The following ACOX1 variants were observed in gnomAD, a reference collection of about 807,000 sequenced individuals.
The protein encoded by ACOX1 is peroxisomal acyl-coenzyme A oxidase 1.
ACOX1 carries 41 observed loss-of-function variants against 75.5 expected under a neutral mutation model. That is an observed-to-expected ratio of 0.54 (90% CI 0.42 to 0.70). The LOEUF (loss-of-function observed/expected upper bound fraction) is 0.70. Among genes scored for constraint, ACOX1 ranks in the 30% least tolerant of loss-of-function variants. The pLI is 0.00. For synonymous variants in ACOX1, 303 were observed against 298.8 expected, an observed-to-expected ratio of 1.01 and a Z score of -0.15; for missense variants, 630 against 837.5, an observed-to-expected ratio of 0.75 and a Z score of 3.06.
At chr17:75,972,463 A>G (rs2066005642) in intron 2 of ACOX1, among the ~76,000 whole-genome samples, 1 of 151,144 alleles carries the variant, frequency 6.6e-6, no homozygotes, top group Admixed American at 6.6e-5. Context: ...CCTGGCCAAC[A>G]TGGAGAAACC....
At chr17:75,948,563 T>C (rs2065743902) in intron 12 of ACOX1, 106 bp from the exon 13 acceptor site, 9 of 1,092,336 alleles carry the variant, frequency 8.2e-6, no homozygotes, top group Non-Finnish European at 1.1e-5. Flanking sequence ...TTTTTCTTTT[T>C]TTTTTTTTGA....
At chr17:75,962,191 G>C (rs1214801777) in intron 2 of ACOX1, among the ~76,000 whole-genome samples, 1 of 151,910 alleles carries the variant, frequency 6.6e-6, no homozygotes, top group African/African-American at 2.4e-5. Flanking sequence ...ATTTATTTCA[G>C]AAATTAAAAA....
At position 75,949,363 on chromosome 17, in the gene ACOX1, A is replaced by G. The variant is rs748672407; in HGVS notation, c.1585-3T>C. 3.7e-6 allele frequency: 6 copies of G among 1,614,148 alleles called. No individual in the cohort carries two copies. Among genetic ancestry groups the G allele is most frequent in the Non-Finnish European group, 5.1e-6 (6 of 1,180,032 alleles). ...ACTACCACATAGTGGCAATGTGCCT[A>G]AGATTAAAAAGAAAACACCAGAGTT... On this transcript the variant is annotated splice_region_variant and splice_polypyrimidine_tract_variant and intron_variant, in intron 11 of 13. Coordinates refer to ENST00000293217, the MANE Select transcript of ACOX1 (RefSeq NM_004035.7).
In ACOX1 at chr17:75,970,473, TGTATATCCGA is replaced by T. The variant is rs2065984180; in HGVS notation, c.269+8051_269+8060del. On this transcript the variant is annotated intron_variant, in intron 2 of 13. Coordinates refer to ENST00000293217, the MANE Select transcript of ACOX1 (RefSeq NM_004035.7). ...ATGGCTCCCAGACCCACAGGGCAGG[TGTATATCCGA>T]GTTTCTTCGTGTCCTTAGAGGAAAG... is the stretch of plus-strand genomic sequence containing the variant. 3.9e-5 allele frequency among the ~76,000 whole-genome samples: 6 copies of T among 152,094 alleles called. No homozygotes were observed. In the South Asian group the frequency reaches 8.3e-4, roughly 21 times the overall value.
chr17:75,965,280 G>C (rs1358343840), intron 2 of ACOX1, among the ~76,000 whole-genome samples: 2 of 147,462 alleles, frequency 1.4e-5, no homozygotes, highest in Non-Finnish European at 3.0e-5. Context: ...GGAGCTGGCA[G>C]TGAGCCGAGA....
chr17:75,958,574 C>T (rs559560016), intron 3 of ACOX1, among the ~76,000 whole-genome samples: 10 of 151,132 alleles, frequency 6.6e-5, no homozygotes, highest in Middle Eastern at 6.9e-3. Context: ...TTTGGGGGGC[C>T]AAGGCGGGCG....
intron 7 of ACOX1, among the ~76,000 whole-genome samples, chr17:75,952,182 T>C (rs899462569): frequency 6.6e-6 from 1 of 152,214 alleles, no homozygotes. Flanking sequence ...GCTGAATACA[T>C]TGTATTTTGA....
intron 7 of ACOX1, among the ~76,000 whole-genome samples, chr17:75,952,778 C>A (rs574443161): frequency 1.3e-5 from 2 of 148,676 alleles, no homozygotes; most frequent in African/African-American, 5.0e-5. Flanking sequence ...CTGCAGCAAG[C>A]TGAGATCGCG....
chr17:75,964,871 G>A (rs2065916214), intron 2 of ACOX1, among the ~76,000 whole-genome samples: 2 of 152,080 alleles, frequency 1.3e-5, no homozygotes, highest in Admixed American at 1.3e-4. Context: ...TACAAGGCTG[G>A]AAAGGCTGAC....
intron 2 of ACOX1, among the ~76,000 whole-genome samples, chr17:75,974,829 G>C (rs953704296): frequency 6.9e-6 from 1 of 144,534 alleles, no homozygotes; most frequent in African/African-American, 2.4e-5. Flanking sequence ...TCAGGAGATC[G>C]AGACCATCAG....
rs1367210716 is a variant in ACOX1 at position 75,945,320 on chromosome 17, T to C, written c.*1428A>G. 6.6e-6 allele frequency: 1 copy of C among 152,196 alleles called. No homozygotes were observed. Among genetic ancestry groups the C allele is most frequent in the African/African-American group, 2.4e-5 (1 of 41,456 alleles). The allele number at this position is 152,196 out of a possible 1,614,324, so 9.4% of individuals were successfully genotyped here. A position where few individuals can be genotyped will look rare whatever the true frequency, so the allele number is the denominator to read the frequency against. On this transcript the variant is annotated 3_prime_UTR_variant, in exon 14 of 14. Transcript: ENST00000293217. Reference sequence around the variant, plus strand: ...TCAAGTGAGATTAACACAGGGTTAATCTTCAATCTTAACACAATTATCAAT... The same window carrying C: ...TCAAGTGAGATTAACACAGGGTTAACCTTCAATCTTAACACAATTATCAAT...
intron 6 of ACOX1, among the ~76,000 whole-genome samples, chr17:75,954,954 G>A (rs1338166613): frequency 5.3e-5 from 8 of 151,686 alleles, no homozygotes; most frequent in African/African-American, 1.9e-4. Flanking sequence ...TGCAACCTCC[G>A]CCTCCCGGGT....
chr17:75,959,265 C>CT (rs2065867427), intron 3 of ACOX1, among the ~76,000 whole-genome samples: 1 of 152,192 alleles, frequency 6.6e-6, no homozygotes, highest in Admixed American at 6.5e-5. Flanking sequence ...CAGACACAGA[C>CT]ATCTTTCATC....
At chr17:75,957,161 T>C (rs564913670) in intron 4 of ACOX1, among the ~76,000 whole-genome samples, 11 of 151,618 alleles carry the variant, frequency 7.3e-5, no homozygotes, top group African/African-American at 1.2e-4. Flanking sequence ...TCTTGGCTCA[T>C]TGCAACCTTC....
chr17:75,949,347 T>A lies in ACOX1; in HGVS notation c.1598A>T (p.Tyr533Phe). The A allele has an allele frequency of 6.2e-7, 1 of 1,614,136 alleles. No individual in the cohort carries two copies. Among genetic ancestry groups the A allele is most frequent in the Non-Finnish European group, 8.5e-7 (1 of 1,180,036 alleles). The stretch of plus-strand genomic sequence containing the variant: ...TTCTGAAAAGAGCTTAACTACCACA[T>A]AGTGGCAATGTGCCTAAGATTAAAA... ...LVRASEAHCH[Y>F]VVVKLFSEKL... is the part of the protein sequence containing the mutation. Residue 533 changes from tyrosine (Y) to phenylalanine (F), a missense_variant, in exon 12 of 14, where the codon TAT becomes TTT. Transcript: ENST00000293217.
At chr17:75,971,888 C>T (rs2065998537) in intron 2 of ACOX1, among the ~76,000 whole-genome samples, 1 of 152,156 alleles carries the variant, frequency 6.6e-6, no homozygotes, top group Non-Finnish European at 1.5e-5. Context: ...CTCCTATGAA[C>T]AGCATGACTG....
chr17:75,975,698 T>A (rs778589308), intron 2 of ACOX1, among the ~76,000 whole-genome samples: 5 of 152,240 alleles, frequency 3.3e-5, no homozygotes, highest in Non-Finnish European at 4.4e-5. Context: ...AATCCCAGCA[T>A]TTTGGGAGGA....
chr17:75,975,948 AGAAAG>A (rs1320223831), intron 2 of ACOX1, among the ~76,000 whole-genome samples: 1 of 143,340 alleles, frequency 7.0e-6, no homozygotes, highest in Non-Finnish European at 1.5e-5. Flanking sequence ...AGAAAAGAAA[AGAAAG>A]AAAGAAAGAA....
chr17:75,944,381 T>A lies in ACOX1; in HGVS notation c.*2367A>T, dbSNP rs2065701286. The A allele has an allele frequency of 6.6e-6, 1 of 152,194 alleles. No individual in the cohort carries two copies. The highest frequency in any genetic ancestry group is 1.5e-5 in the Non-Finnish European group (1 of 68,036). The allele number at this position is 152,194 out of a possible 1,614,324, so 9.4% of individuals were successfully genotyped here. ...GTCTAGTGTGGTAGAGAGAACAAAC[T>A]GGACTTGCCACTTCCTTTAAGGTAC... On this transcript the variant is annotated 3_prime_UTR_variant, in exon 14 of 14. Coordinates refer to ENST00000293217, the MANE Select transcript of ACOX1 (RefSeq NM_004035.7).
Sources: gnomAD v4.1 joint callset for allele counts (sites outside exome capture counted in the v4.1 genomes callset) on GRCh38, gnomAD v4.1.1 for gene constraint, MANE v1.5 for transcripts, NCBI Gene and HGNC (gene_info 2026-07-23, HGNC 2026-07-21) for gene names.